Variants in TMBIM6 observed in about 807,000 individuals in gnomAD.
TMBIM6 encodes bax inhibitor 1.
A neutral mutation model predicts 31.4 loss-of-function variants in TMBIM6; 13 were observed. The observed-to-expected ratio is 0.41, with a 90% CI of 0.27 to 0.66. The LOEUF (loss-of-function observed/expected upper bound fraction) is 0.66. TMBIM6 is among the 30% of genes least tolerant of loss of function. The probability of loss-of-function intolerance (pLI) is 0.28; values close to 1 mark genes in which losing one functional copy is unlikely to be tolerated. For synonymous variants in TMBIM6, 85 were observed against 101.7 expected, an observed-to-expected ratio of 0.84 and a Z score of 0.99; for missense variants, 275 against 289.5, an observed-to-expected ratio of 0.95 and a Z score of 0.36.
intron 1 of TMBIM6, chr12:49,741,892 T>C: frequency 1.7e-6 from 1 of 576,290 alleles, no homozygotes; most frequent in Non-Finnish European, 2.9e-6. Context: ...CCCAGAGCGC[T>C]GGCGAAGGCC....
At chr12:49,760,181 C>T (rs1332223123) in intron 8 of TMBIM6, among the ~76,000 whole-genome samples, 2 of 150,794 alleles carry the variant, frequency 1.3e-5, no homozygotes, top group African/African-American at 4.9e-5. Context: ...TACCTCCAAG[C>T]AGAAGTGAGG....
At chr12:49,750,183 A>C (rs1268568779) in intron 1 of TMBIM6, among the ~76,000 whole-genome samples, 1 of 152,134 alleles carries the variant, frequency 6.6e-6, no homozygotes, top group Non-Finnish European at 1.5e-5. Flanking sequence ...AACGTCAGAG[A>C]AGTATCTGAG....
At chr12:49,743,106 T>G (rs1222446866) in intron 1 of TMBIM6, among the ~76,000 whole-genome samples, 2 of 151,600 alleles carry the variant, frequency 1.3e-5, no homozygotes, top group African/African-American at 2.4e-5. Flanking sequence ...CCCAGCCTCC[T>G]GAGTAGCTAG....
rs1321710761 is a variant in TMBIM6, at chr12:49,742,948, C to G, written c.-31+1337C>G. The stretch of plus-strand genomic sequence containing the variant: ...ATAGTTTGCTTCTTCCGTTATTTAT[C>G]TGGTTGTGGAAACATGGTTTAGTAC... On this transcript the variant is annotated intron_variant, in intron 1 of 9. Transcript: ENST00000267115. 2.7e-5 allele frequency among the ~76,000 whole-genome samples: 4 copies of G among 148,216 alleles called. No homozygotes were observed. In the East Asian group the frequency reaches 7.9e-4, roughly 29 times the overall value.
chr12:49,753,201 T>G, intron 3 of TMBIM6, 120 bp downstream of exon 3: 1 of 688,362 alleles, frequency 1.5e-6, no homozygotes, highest in Middle Eastern at 3.0e-4. Context: ...AGTTTAGGAT[T>G]TAAACTCAGA....
At position 49,764,786 on chromosome 12, in the gene TMBIM6, T is replaced by C. The variant is rs1472245314; in HGVS notation, c.*1890T>C. The C allele has an allele frequency of 6.6e-6, 1 of 152,316 alleles. No homozygotes were observed. Among genetic ancestry groups the C allele is most frequent in the Non-Finnish European group, 1.5e-5 (1 of 68,014 alleles). 9.4% of individuals were successfully genotyped at this position (152,316 alleles called of 1,614,324 possible). ...ACCTAACAGATTTTTAATATAGTTA[T>C]CTCTACCACTTTCTTTTCTAGTTTC... On this transcript the variant is annotated 3_prime_UTR_variant, in exon 10 of 10. Coordinates refer to ENST00000267115, the MANE Select transcript of TMBIM6 (RefSeq NM_003217.3).
At chr12:49,762,828 G>A in intron 9 of TMBIM6, 45 bp from the exon 10 acceptor site, 1 of 1,597,900 alleles carries the variant, frequency 6.3e-7, no homozygotes, top group Non-Finnish European at 8.6e-7. Flanking sequence ...TAGCTTGAAT[G>A]TCAAATGTCA....
intron 8 of TMBIM6, among the ~76,000 whole-genome samples, chr12:49,760,825 G>T (rs1391839067): frequency 6.8e-6 from 1 of 147,732 alleles, no homozygotes; most frequent in Non-Finnish European, 1.5e-5. Context: ...TACAGACATG[G>T]GCCACCATGC....
At position 49,764,719 on chromosome 12, in the gene TMBIM6, A is replaced by AG. The variant is rs1198085933; in HGVS notation, c.*1823_*1824insG. 7.1e-6 allele frequency: 1 copy of AG among 141,238 alleles called. No homozygotes were observed. The highest frequency in any genetic ancestry group is 1.5e-5 in the Non-Finnish European group (1 of 67,146). The allele number at this position is 141,238 out of a possible 1,614,324, so 8.7% of individuals were successfully genotyped here. On this transcript the variant is annotated 3_prime_UTR_variant, in exon 10 of 10. Coordinates refer to ENST00000267115, the MANE Select transcript of TMBIM6 (RefSeq NM_003217.3). ...AAGAATGACAAGATATTAAAAAAAA[A>AG]AAAGAAAGAAAAAAAAAAAAACACC...
Position 49,752,360 on chromosome 12 carries a change from A to C in TMBIM6, c.-30-104A>C, listed in dbSNP as rs952693004. On this transcript the variant is annotated intron_variant, in intron 1 of 9. Transcript: ENST00000267115. Reference sequence around the variant, plus strand: ...GTGTTAGGGCTGTAGAATTTTAGGCAAGTTTTCATCTTTCTGAACTTACAT... The same window carrying C: ...GTGTTAGGGCTGTAGAATTTTAGGCCAGTTTTCATCTTTCTGAACTTACAT... The C allele has an allele frequency of 8.9e-6, 7 of 785,540 alleles. No individual in the cohort carries two copies. In the Middle Eastern group the frequency reaches 7.1e-4, roughly 80 times the overall value. 48.7% of individuals were successfully genotyped at this position (785,540 alleles called of 1,614,324 possible). A position where few individuals can be genotyped will look rare whatever the true frequency, so the allele number is the denominator to read the frequency against.
intron 3 of TMBIM6, 137 bp from the exon 4 acceptor site, chr12:49,755,498 C>G (rs959134331): frequency 9.2e-7 from 1 of 1,090,014 alleles, no homozygotes; most frequent in Non-Finnish European, 1.3e-6. Context: ...TGAGAAAACA[C>G]TACTTTTTCT....
intron 9 of TMBIM6, chr12:49,761,987 C>T (rs964004745): frequency 9.7e-6 from 5 of 517,728 alleles, no homozygotes; most frequent in South Asian, 8.6e-5. Flanking sequence ...CTAATTCCTG[C>T]GTTTAGTATG....
At chr12:49,757,774 G>A (rs1251661502) in intron 4 of TMBIM6, among the ~76,000 whole-genome samples, 6 of 152,218 alleles carry the variant, frequency 3.9e-5, no homozygotes, top group Admixed American at 1.3e-4. Context: ...GTTGGCAGGT[G>A]TCCACCTGCA....
At chr12:49,756,627 A>G (rs1377076549) in intron 4 of TMBIM6, among the ~76,000 whole-genome samples, 17 of 150,012 alleles carry the variant, frequency 1.1e-4, no homozygotes, top group Non-Finnish European at 1.8e-4. Flanking sequence ...GGGTTTCACC[A>G]TGTTGGCCAG....
intron 3 of TMBIM6, among the ~76,000 whole-genome samples, chr12:49,754,297 G>A (rs1325958416): frequency 6.6e-6 from 1 of 152,086 alleles, no homozygotes; most frequent in African/African-American, 2.4e-5. Context: ...TAATTTTGCT[G>A]TTCAGAATGC....
At position 49,759,308 on chromosome 12, in the gene TMBIM6, C is replaced by G; in HGVS notation, c.601C>G (p.Gln201Glu). The change falls in exon 8 of 10, where the codon CAA (glutamine) becomes GAA (glutamate). Residue 201 changes from glutamine (Q) to glutamate (E), a missense_variant. Gln to Glu is a conservative substitution (Grantham distance 29). Transcript: ENST00000267115. ...LIIEKAEHGDQDYIWHCIDLF... is the reference protein window; with the variant it reads ...LIIEKAEHGDEDYIWHCIDLF... ...TATTGAAAAGGCCGAACATGGAGAT[C>G]AAGATTATATCTGGTGAGTGTGGGA... is the stretch of plus-strand genomic sequence containing the variant. 1 of 1,613,724 alleles carries G rather than the reference C, an allele frequency of 6.2e-7. No individual in the cohort carries two copies. The highest frequency in any genetic ancestry group is 8.5e-7 in the Non-Finnish European group (1 of 1,179,666).
At chr12:49,747,971 T>G (rs1945426977) in intron 1 of TMBIM6, among the ~76,000 whole-genome samples, 1 of 152,166 alleles carries the variant, frequency 6.6e-6, no homozygotes, top group African/African-American at 2.4e-5. Flanking sequence ...TGGCGTGATC[T>G]CAGTTCACTG....
At chr12:49,754,300 C>G (rs2136947315) in intron 3 of TMBIM6, among the ~76,000 whole-genome samples, 1 of 152,186 alleles carries the variant, frequency 6.6e-6, no homozygotes, top group East Asian at 1.9e-4. Context: ...TTTTGCTGTT[C>G]AGAATGCAAA....
chr12:49,741,894 G>A (rs1411827786), intron 1 of TMBIM6: 1 of 584,128 alleles, frequency 1.7e-6, no homozygotes, highest in Non-Finnish European at 2.9e-6. Context: ...CAGAGCGCTG[G>A]CGAAGGCCCC....
Sources: gnomAD v4.1 joint callset for allele counts (sites outside exome capture counted in the v4.1 genomes callset) on GRCh38, gnomAD v4.1.1 for gene constraint, MANE v1.5 for transcripts, NCBI Gene and HGNC (gene_info 2026-07-23, HGNC 2026-07-21) for gene names.